PPP3R1: variants seen among roughly 807,000 people sequenced by gnomAD.
PPP3R1 encodes protein phosphatase 3 regulatory subunit B, alpha.
Under a neutral mutation model 22.6 loss-of-function variants are expected in PPP3R1, and 5 were observed. The ratio of observed to expected loss-of-function variants is 0.22; its 90% CI spans 0.12 to 0.46. The LOEUF (loss-of-function observed/expected upper bound fraction) is 0.46, where lower values mean the gene tolerates loss of function less well. PPP3R1 is among the 20% of genes least tolerant of loss of function. The pLI is 0.99. For missense variants in PPP3R1, 61 were observed against 203.2 expected, an observed-to-expected ratio of 0.30 and a Z score of 4.25; for synonymous variants, 56 against 65.2, an observed-to-expected ratio of 0.86 and a Z score of 0.68.
rs1049568687 is a variant in PPP3R1, at chr2:68,179,775, G to A, written c.*1188C>T. 1 of 152,048 alleles carries A rather than the reference G, an allele frequency of 6.6e-6. No homozygotes were observed. Among genetic ancestry groups the A allele is most frequent in the Admixed American group, 6.6e-5 (1 of 15,246 alleles). The allele number at this position is 152,048 out of a possible 1,614,324, so 9.4% of individuals were successfully genotyped here. On this transcript the variant is annotated 3_prime_UTR_variant, in exon 6 of 6. Coordinates refer to ENST00000234310, the MANE Select transcript of PPP3R1 (RefSeq NM_000945.4). ...AACCAGTATGCATGCTCTATCCCTC[G>A]TGGTAAAGAAATTTAAGTGGCATAA...
intron 4 of PPP3R1, 22 bp downstream of exon 4, chr2:68,187,233 G>A: frequency 1.9e-6 from 3 of 1,565,384 alleles, no homozygotes; most frequent in Non-Finnish European, 1.8e-6. Flanking sequence ...AGAGAATGAA[G>A]TCAGTGAAGA....
chr2:68,232,261 GTGTGTATATATA>G (rs1453380668), intron 1 of PPP3R1, among the ~76,000 whole-genome samples: 15 of 44,424 alleles, frequency 3.4e-4, no homozygotes, highest in African/African-American at 1.9e-3. Context: ...GTGTGTGTGT[GTGTGTATATATA>G]TATACACACA....
chr2:68,217,137 G>A lies in PPP3R1; in HGVS notation c.4-6C>T. ...GGATAACTTGCCTCATTTCCCTGGG[G>A]GGAAAGAAAGAAATAATTAGTCATA... On this transcript the variant is annotated splice_polypyrimidine_tract_variant and splice_region_variant and intron_variant, in intron 1 of 5. Coordinates refer to ENST00000234310, the MANE Select transcript of PPP3R1 (RefSeq NM_000945.4). The A allele has an allele frequency of 6.3e-7, 1 of 1,580,704 alleles. No homozygotes were observed.
intron 1 of PPP3R1, among the ~76,000 whole-genome samples, chr2:68,248,521 C>T (rs1017595745): frequency 2.0e-5 from 3 of 152,186 alleles, no homozygotes; most frequent in Admixed American, 1.3e-4. Context: ...CAGCCTATAT[C>T]ACAATTACCT....
chr2:68,194,447 C>A (rs1010875790), intron 2 of PPP3R1, among the ~76,000 whole-genome samples: 3 of 151,952 alleles, frequency 2.0e-5, no homozygotes, highest in Non-Finnish European at 4.4e-5. Context: ...TTAGTATTTT[C>A]AACTGGACAT....
chr2:68,226,491 C>T (rs1349004119), intron 1 of PPP3R1, among the ~76,000 whole-genome samples: 1 of 152,116 alleles, frequency 6.6e-6, no homozygotes, highest in African/African-American at 2.4e-5. Context: ...AAAATTCAAA[C>T]TATATGGATT....
intron 2 of PPP3R1, among the ~76,000 whole-genome samples, chr2:68,209,357 T>TA (rs1669421202): frequency 8.2e-5 from 1 of 12,212 alleles, no homozygotes; most frequent in Non-Finnish European, 1.5e-4. Context: ...AGACTCTGTC[T>TA]CAAAAAAAAA....
At chr2:68,181,250 G>A (rs1440202043) in intron 5 of PPP3R1, among the ~76,000 whole-genome samples, 6 of 152,050 alleles carry the variant, frequency 3.9e-5, no homozygotes, top group African/African-American at 1.2e-4. Flanking sequence ...AAACTTAGCC[G>A]GGTGTGGTGG....
At chr2:68,193,451 T>C (rs1372154719) in intron 2 of PPP3R1, among the ~76,000 whole-genome samples, 1 of 152,134 alleles carries the variant, frequency 6.6e-6, no homozygotes, top group Non-Finnish European at 1.5e-5. Flanking sequence ...TACAATCTAG[T>C]CGAGGCTGAG....
At chr2:68,234,664 G>A (rs1170766083) in intron 1 of PPP3R1, among the ~76,000 whole-genome samples, 2 of 152,096 alleles carry the variant, frequency 1.3e-5, no homozygotes, top group Non-Finnish European at 2.9e-5. Context: ...AGACAGCTGA[G>A]GAGTAAAATG....
intron 2 of PPP3R1, 105 bp from the exon 3 acceptor site, chr2:68,188,795 G>A: frequency 2.1e-5 from 20 of 936,228 alleles, no homozygotes; most frequent in South Asian, 1.1e-4. Context: ...AGTTATAGGG[G>A]GGAAAAAAAA....
intron 1 of PPP3R1, among the ~76,000 whole-genome samples, chr2:68,223,339 T>C (rs1669723291): frequency 6.6e-6 from 1 of 152,192 alleles, no homozygotes; most frequent in African/African-American, 2.4e-5. Context: ...GAAGTTGCAG[T>C]GAGCTGAGAT....
At chr2:68,205,883 G>A (rs559317829) in intron 2 of PPP3R1, among the ~76,000 whole-genome samples, 3 of 151,912 alleles carry the variant, frequency 2.0e-5, no homozygotes, top group Admixed American at 6.5e-5. Flanking sequence ...GCAATGGCGC[G>A]ATCTCGGCTC....
Position 68,229,778 on chromosome 2 carries a change from GTTACAT to G in PPP3R1, c.4-12653_4-12648del, listed in dbSNP as rs374554273. On this transcript the variant is annotated intron_variant, in intron 1 of 5. Transcript: ENST00000234310. The stretch of plus-strand genomic sequence containing the variant: ...CTTTTACTTTCAACATGCCTATATT[GTTACAT>G]TTAAAGTAAATTTCTTACAGAAATC... 5.3e-3 allele frequency among the ~76,000 whole-genome samples: 800 copies of G among 151,702 alleles called. 5 individuals carry two copies. The highest frequency in any genetic ancestry group is 0.019 in the African/African-American group (768 of 41,316).
chr2:68,223,241 A>C (rs1156853404), intron 1 of PPP3R1, among the ~76,000 whole-genome samples: 1 of 152,156 alleles, frequency 6.6e-6, no homozygotes, highest in Non-Finnish European at 1.5e-5. Context: ...TAAGAATACA[A>C]AAATCAGCTG....
chr2:68,241,347 GACC>G (rs1325392022), intron 1 of PPP3R1, among the ~76,000 whole-genome samples: 5 of 151,612 alleles, frequency 3.3e-5, no homozygotes, highest in African/African-American at 1.2e-4. Flanking sequence ...TCAATCCATG[GACC>G]CAGAACTCAT....
chr2:68,219,235 T>C (rs1225077435), intron 1 of PPP3R1, among the ~76,000 whole-genome samples: 20 of 152,218 alleles, frequency 1.3e-4, no homozygotes, highest in Admixed American at 1.3e-3. Context: ...CTTCAAATTC[T>C]GTATTGTTTG....
intron 2 of PPP3R1, among the ~76,000 whole-genome samples, chr2:68,215,613 G>A (rs1669564373): frequency 6.6e-6 from 1 of 152,292 alleles, no homozygotes; most frequent in South Asian, 2.1e-4. Context: ...AAAGGGATCT[G>A]AGATATGTAC....
chr2:68,222,101 T>A (rs1006369105), intron 1 of PPP3R1, among the ~76,000 whole-genome samples: 1 of 152,202 alleles, frequency 6.6e-6, no homozygotes, highest in African/African-American at 2.4e-5. Flanking sequence ...CATGTTTAAA[T>A]GTCTTTAAAA....
Sources: allele counts gnomAD v4.1 joint callset (sites outside exome capture counted in the v4.1 genomes callset), GRCh38; gene constraint gnomAD v4.1.1; transcripts MANE v1.5; gene names NCBI Gene and HGNC (gene_info 2026-07-23, HGNC 2026-07-21).